Variants in TMCO6 observed in about 807,000 individuals in gnomAD.
TMCO6 encodes transmembrane and coiled-coil domain-containing protein 6.
A neutral mutation model predicts 61.8 loss-of-function variants in TMCO6; 47 were observed. The ratio of observed to expected loss-of-function variants is 0.76; its 90% CI spans 0.60 to 0.97. TMCO6 has a LOEUF of 0.97. Among genes scored for constraint, TMCO6 ranks in the 50% least tolerant of loss-of-function variants. TMCO6 has a pLI of 0.00. For synonymous variants in TMCO6, 261 were observed against 254.2 expected (o/e 1.03, Z -0.25); for missense variants, 557 against 601.6 (o/e 0.93, Z 0.78).
chr5:140,644,207 G>A lies in TMCO6; in HGVS notation c.1200+13G>A. 2 of 1,612,556 alleles carry A rather than the reference G, an allele frequency of 1.2e-6. No homozygotes were observed. The highest frequency in any genetic ancestry group is 1.1e-5 in the South Asian group (1 of 91,036). ...GGTGAGCGTAATGGTATGTATTGGGGTTACTTGAATCCAAGATCTGGTAGT... is the reference window on the plus strand; with the variant it reads ...GGTGAGCGTAATGGTATGTATTGGGATTACTTGAATCCAAGATCTGGTAGT... On this transcript the variant is annotated intron_variant, in intron 10 of 11. Coordinates refer to ENST00000394671, the MANE Select transcript of TMCO6 (RefSeq NM_018502.5).
chr5:140,644,713 G>A lies in TMCO6; in HGVS notation c.1341G>A (p.Leu447=), dbSNP rs199739378. Residue 447 remains leucine, a synonymous_variant, in exon 11 of 12, where the codon CTG becomes CTA. Transcript: ENST00000394671. The stretch of plus-strand genomic sequence containing the variant: ...TAGTAGGCCAGAGTTTGGAGCTGCT[G>A]CATCTGCTGTTCCTGTATCAGCCAG... The part of the protein sequence containing the change: ...TEVVGQSLEL[L]HLLFLYQPEA... The A allele has an allele frequency of 5.8e-5, 94 of 1,614,106 alleles. No individual in the cohort carries two copies. Among genetic ancestry groups the A allele is most frequent in the Non-Finnish European group, 7.6e-5 (90 of 1,180,050 alleles).
Position 140,642,615 on chromosome 5 carries a change from C to G in TMCO6, c.633C>G (p.Leu211=). The part of the protein sequence containing the change: ...QSPHVAVLEA[L]GYALSQLLQA... ...CCCATGTGGCTGTGCTGGAAGCTCT[C>G]GGATATGCCTTGTCCCAGCTTCTAC... Residue 211 remains leucine, a synonymous_variant, in exon 6 of 12, where the codon CTC becomes CTG. Transcript: ENST00000394671. 1 of 1,614,238 alleles carries G rather than the reference C, an allele frequency of 6.2e-7. No individual in the cohort carries two copies. Among genetic ancestry groups the G allele is most frequent in the Non-Finnish European group, 8.5e-7 (1 of 1,180,046 alleles).
the TMCO6 span, among the ~76,000 whole-genome samples, chr5:140,610,850 A>G: frequency 6.6e-6 from 1 of 151,924 alleles, no homozygotes; most frequent in Non-Finnish European, 1.5e-5. Context: ...ATATAAACTG[A>G]TTTTTTTTGG....
At chr5:140,603,890 T>C in the TMCO6 span, among the ~76,000 whole-genome samples, 2 of 152,202 alleles carry the variant, frequency 1.3e-5, no homozygotes, top group Admixed American at 6.5e-5. Context: ...ATGGTAATTA[T>C]ATGTTTAACT....
chr5:140,641,244 T>A (rs1031197037), intron 2 of TMCO6: 1 of 160,376 alleles, frequency 6.2e-6, no homozygotes, highest in African/African-American at 2.4e-5. Flanking sequence ...AGAAATAGCA[T>A]GTGCAAAAGC....
chr5:140,638,557 CTTTCTTTCTTTT>C (rs1756834675), upstream of TMCO6, among the ~76,000 whole-genome samples: 1 of 124,694 alleles, frequency 8.0e-6, no homozygotes, highest in African/African-American at 3.4e-5. Context: ...TTCTTTCTTT[CTTTCTTTCTTTT>C]TTTTTTTTTT....
Sources: allele counts gnomAD v4.1 joint callset (sites outside exome capture counted in the v4.1 genomes callset), GRCh38; gene constraint gnomAD v4.1.1; transcripts MANE v1.5; gene names NCBI Gene and HGNC (gene_info 2026-07-23, HGNC 2026-07-21).